Variants in RNF2 observed in about 807,000 individuals in gnomAD.
The protein encoded by RNF2 is E3 ubiquitin-protein ligase RING2.
In RNF2, 6 loss-of-function variants were observed where a neutral mutation model predicts 37.2. The ratio of observed to expected loss-of-function variants is 0.16; its 90% CI spans 0.09 to 0.32. The LOEUF is 0.32. Among genes scored for constraint, RNF2 ranks in the 10% least tolerant of loss-of-function variants. The pLI, the probability that RNF2 is intolerant of heterozygous loss-of-function variation, is 1.00. For missense variants in RNF2, 251 were observed against 404.0 expected (o/e 0.62, Z 3.25); for synonymous variants, 133 against 132.7 (o/e 1.00, Z -0.02).
chr1:185,064,620 C>T (rs1420646052), intron 1 of RNF2, among the ~76,000 whole-genome samples: 1 of 152,148 alleles, frequency 6.6e-6, no homozygotes, highest in Admixed American at 6.5e-5. Context: ...AAGATATTTT[C>T]AATTTTTGAT....
At position 185,098,245 on chromosome 1, in the gene RNF2, C is replaced by T; in HGVS notation, c.638C>T (p.Ala213Val). ...CTAGAGCTTGATAATAACAATGCAGCAATGGCAATTGATCCAGTAATGGAT... is the reference window on the plus strand; with the variant it reads ...CTAGAGCTTGATAATAACAATGCAGTAATGGCAATTGATCCAGTAATGGAT... ...SGLELDNNNAAMAIDPVMDGA... is the reference protein window; with the variant it reads ...SGLELDNNNAVMAIDPVMDGA... Residue 213 changes from alanine to valine, a missense_variant, in exon 5 of 7, where the codon GCA becomes GTA. Physicochemically the swap from Ala to Val is moderately conservative, Grantham distance 64. Transcript: ENST00000367510. 1.2e-6 allele frequency: 2 copies of T among 1,614,134 alleles called. No individual in the cohort carries two copies. Among genetic ancestry groups the T allele is most frequent in the Middle Eastern group, 1.6e-4 (1 of 6,062 alleles).
At chr1:185,094,303 C>T (rs894827783) in intron 4 of RNF2, among the ~76,000 whole-genome samples, 1 of 151,946 alleles carries the variant, frequency 6.6e-6, no homozygotes, top group African/African-American at 2.4e-5. Flanking sequence ...CCACCATGCC[C>T]AGCTAATTTT....
intron 1 of RNF2, among the ~76,000 whole-genome samples, chr1:185,050,761 A>G (rs556203143): frequency 2.6e-5 from 4 of 152,382 alleles, no homozygotes; most frequent in African/African-American, 7.2e-5. Flanking sequence ...TAGGTGATCT[A>G]AAAATGGGGC....
intron 1 of RNF2, among the ~76,000 whole-genome samples, chr1:185,048,933 G>C (rs1650194206): frequency 1.3e-5 from 2 of 152,202 alleles, no homozygotes; most frequent in Admixed American, 1.3e-4. Context: ...GGCGGGGATG[G>C]GGGAGGTGCC....
chr1:185,095,627 A>G (rs528405212), intron 4 of RNF2, among the ~76,000 whole-genome samples: 6 of 152,306 alleles, frequency 3.9e-5, no homozygotes, highest in African/African-American at 1.2e-4. Context: ...ATTATTTAGA[A>G]CCATGCTTGG....
chr1:185,084,890 CTG>C (rs1206334423), intron 1 of RNF2, among the ~76,000 whole-genome samples: 3 of 152,120 alleles, frequency 2.0e-5, no homozygotes, highest in Non-Finnish European at 2.9e-5. Flanking sequence ...TAATCAAACT[CTG>C]TGATTACCAG....
chr1:185,092,460 C>T (rs999171250), intron 3 of RNF2, among the ~76,000 whole-genome samples: 2 of 152,130 alleles, frequency 1.3e-5, no homozygotes, highest in African/African-American at 4.8e-5. Flanking sequence ...CAGGCGTGAG[C>T]CACCGTGCCT....
Position 185,099,795 on chromosome 1 carries a change from A to G in RNF2, c.742A>G (p.Ile248Val). 1 of 1,613,038 alleles carries G rather than the reference A, an allele frequency of 6.2e-7. No individual in the cohort carries two copies. Among genetic ancestry groups the G allele is most frequent in the Non-Finnish European group, 8.5e-7 (1 of 1,179,682 alleles). ...EKDDSAQTRY[I>V]KTSGNATVDH... ...TTTAATGATTTATTCTTCTAGATAC[A>G]TAAAGACTTCTGGTAACGCCACTGT... Residue 248 changes from isoleucine to valine, a missense_variant, in exon 6 of 7, where the codon ATA (isoleucine) becomes GTA (valine). Transcript: ENST00000367510.
intron 3 of RNF2, among the ~76,000 whole-genome samples, chr1:185,092,556 G>A (rs975138964): frequency 1.2e-4 from 18 of 152,090 alleles, no homozygotes; most frequent in African/African-American, 4.1e-4. Flanking sequence ...GAAAATCTTT[G>A]TATTGAAATC....
At chr1:185,068,371 A>T (rs1571304355) in intron 1 of RNF2, among the ~76,000 whole-genome samples, 1 of 152,306 alleles carries the variant, frequency 6.6e-6, no homozygotes, top group East Asian at 1.9e-4. Context: ...GGTTCTTTGC[A>T]TGTGTAATTA....
At chr1:185,051,316 A>T (rs1346478227) in intron 1 of RNF2, among the ~76,000 whole-genome samples, 1 of 152,170 alleles carries the variant, frequency 6.6e-6, no homozygotes, top group East Asian at 1.9e-4. Context: ...GTATAGTAGG[A>T]GTTGCAGAAT....
intron 1 of RNF2, among the ~76,000 whole-genome samples, chr1:185,064,018 A>G (rs1328091525): frequency 4.6e-5 from 7 of 152,220 alleles, no homozygotes; most frequent in African/African-American, 1.2e-4. Flanking sequence ...CCATTTTGCC[A>G]TGTAAGGTTA....
At chr1:185,082,461 C>G (rs1466203321) in intron 1 of RNF2, among the ~76,000 whole-genome samples, 1 of 151,320 alleles carries the variant, frequency 6.6e-6, no homozygotes, top group Non-Finnish European at 1.5e-5. Flanking sequence ...AGCGATCCTC[C>G]TGCCTCAGCC....
At chr1:185,087,702 A>C in intron 2 of RNF2, 62 bp downstream of exon 2, 1 of 1,203,604 alleles carries the variant, frequency 8.3e-7, no homozygotes, top group East Asian at 2.3e-5. Flanking sequence ...ACATTTTTAG[A>C]ACATGAAAAC....
intron 1 of RNF2, among the ~76,000 whole-genome samples, chr1:185,065,951 G>A (rs1650786172): frequency 6.7e-6 from 1 of 148,540 alleles, no homozygotes; most frequent in Admixed American, 6.8e-5. Flanking sequence ...CTGCTATACT[G>A]TCTCATTTTT....
At chr1:185,076,554 G>T (rs1459686304) in intron 1 of RNF2, among the ~76,000 whole-genome samples, 1 of 150,314 alleles carries the variant, frequency 6.7e-6, no homozygotes, top group East Asian at 1.9e-4. Context: ...CCAAAGTGCT[G>T]GGATTACAGG....
chr1:185,061,626 A>G (rs986077190), intron 1 of RNF2, among the ~76,000 whole-genome samples: 1 of 152,208 alleles, frequency 6.6e-6, no homozygotes, highest in Non-Finnish European at 1.5e-5. Context: ...ATCATTAGCT[A>G]TGACTTGGGG....
intron 2 of RNF2, among the ~76,000 whole-genome samples, chr1:185,090,740 ATACTGG>A (rs1014165826): frequency 5.3e-5 from 8 of 152,212 alleles, no homozygotes; most frequent in African/African-American, 1.9e-4. Context: ...ATAGGAGTTG[ATACTGG>A]TGGCATTAGA....
At chr1:185,077,657 A>T (rs1246445969) in intron 1 of RNF2, among the ~76,000 whole-genome samples, 2 of 116,806 alleles carry the variant, frequency 1.7e-5, no homozygotes, top group African/African-American at 7.2e-5. Context: ...ATTTAGCTAT[A>T]TTATTGGCTG....
Sources: allele counts gnomAD v4.1 joint callset (sites outside exome capture counted in the v4.1 genomes callset), GRCh38; gene constraint gnomAD v4.1.1; transcripts MANE v1.5; gene names NCBI Gene and HGNC (gene_info 2026-07-23, HGNC 2026-07-21).